Variants in VEPH1 observed in about 807,000 individuals in gnomAD.
VEPH1 encodes ventricular zone expressed PH domain containing 1.
Under a neutral mutation model 85.2 loss-of-function variants are expected in VEPH1, and 80 were observed. That is an observed-to-expected ratio of 0.94 (90% confidence interval 0.78 to 1.13). The LOEUF (loss-of-function observed/expected upper bound fraction) is 1.13. Ranked by LOEUF, VEPH1 falls within the 50% of genes most tolerant of loss-of-function variation. The pLI, the probability that VEPH1 is intolerant of heterozygous loss-of-function variation, is 0.00. For synonymous variants in VEPH1, 297 were observed against 348.0 expected (o/e 0.85, Z 1.63); for missense variants, 955 against 980.5 (o/e 0.97, Z 0.35).
intron 12 of VEPH1, among the ~76,000 whole-genome samples, 157 bp from the exon 13 acceptor site, chr3:157,265,819 C>T (rs1261979748): frequency 6.6e-6 from 1 of 151,872 alleles, no homozygotes; most frequent in Non-Finnish European, 1.5e-5. Flanking sequence ...CTCCTTTGTC[C>T]CTAAAAGAAT....
intron 2 of VEPH1, among the ~76,000 whole-genome samples, chr3:157,481,229 T>C (rs191292748): frequency 1.3e-5 from 2 of 152,104 alleles, no homozygotes; most frequent in Admixed American, 1.3e-4. Context: ...ACGAATATTT[T>C]CTCCCATTCT....
intron 4 of VEPH1, chr3:157,437,580 G>T (rs1307706117): frequency 6.3e-7 from 1 of 1,592,164 alleles, no homozygotes; most frequent in African/African-American, 1.3e-5. Flanking sequence ...TGGAGAACTC[G>T]CAGATGAGAG....
chr3:157,363,148 T>C, intron 9 of VEPH1: 1 of 414,562 alleles, frequency 2.4e-6, no homozygotes, highest in Non-Finnish European at 4.2e-6. Context: ...TCAGTGGACT[T>C]ATGTGCACCC....
chr3:157,436,831 C>T, intron 4 of VEPH1: 2 of 1,265,674 alleles, frequency 1.6e-6, no homozygotes, highest in South Asian at 2.8e-5. Context: ...TTATTAAGGA[C>T]TCTCTGCTCC....
At chr3:157,374,021 C>G (rs1346183199) in intron 7 of VEPH1, among the ~76,000 whole-genome samples, 1 of 152,148 alleles carries the variant, frequency 6.6e-6, no homozygotes, top group African/African-American at 2.4e-5. Flanking sequence ...CCTGAAATGC[C>G]TTTAAAGACC....
At chr3:157,263,687 G>C (rs142317202) in intron 13 of VEPH1, among the ~76,000 whole-genome samples, 1 of 152,282 alleles carries the variant, frequency 6.6e-6, no homozygotes, top group Non-Finnish European at 1.5e-5. Context: ...GATGAAGAAA[G>C]TAGCATGACT....
chr3:157,343,569 C>T (rs1363137602), intron 9 of VEPH1, among the ~76,000 whole-genome samples: 30 of 152,184 alleles, frequency 2.0e-4, no homozygotes, highest in African/African-American at 6.0e-4. Flanking sequence ...CAGGACCAGA[C>T]GGATTCACAG....
chr3:157,272,375 T>TTTCTTTCTTTCTTTCTTTC (rs200016080), intron 12 of VEPH1, among the ~76,000 whole-genome samples: 3 of 94,970 alleles, frequency 3.2e-5, no homozygotes, highest in East Asian at 3.1e-4. Flanking sequence ...TTTCTCTTTC[T>TTTCTTTCTTTCTTTCTTTC]TTTCTTTCTT....
chr3:157,332,756 C>T (rs1348303732), intron 9 of VEPH1, among the ~76,000 whole-genome samples: 2 of 152,200 alleles, frequency 1.3e-5, no homozygotes, highest in African/African-American at 4.8e-5. Flanking sequence ...GGAGTATATT[C>T]CTAAGAGTGG....
rs1553786688 is a variant in VEPH1 at position 157,438,037 on chromosome 3, G to GCGCACACACACA, written c.530-9550_530-9549insTGTGTGTGTGCG. ...TCATGGGAAGCGCGCGCGCGCGCGC[G>GCGCACACACACA]CACACACACACACACACACACACAC... On this transcript the variant is annotated intron_variant, in intron 4 of 13. Coordinates refer to ENST00000362010, the MANE Select transcript of VEPH1 (RefSeq NM_001167912.2). 3.2e-4 allele frequency: 167 copies of GCGCACACACACA among 516,080 alleles called. No individual in the cohort carries two copies. The South Asian group carries it at 3.5e-3, about 11-fold the overall frequency. The allele number at this position is 516,080 out of a possible 1,614,324, so 32.0% of individuals were successfully genotyped here. A position where few individuals can be genotyped will look rare whatever the true frequency, so the allele number is the denominator to read the frequency against.
chr3:157,389,107 C>A (rs1729587497), intron 6 of VEPH1, among the ~76,000 whole-genome samples: 1 of 152,152 alleles, frequency 6.6e-6, no homozygotes, highest in Non-Finnish European at 1.5e-5. Context: ...CTGATTCATA[C>A]ATAACATTGT....
At chr3:157,305,148 C>G (rs1325649456) in intron 11 of VEPH1, among the ~76,000 whole-genome samples, 2 of 129,078 alleles carry the variant, frequency 1.5e-5, no homozygotes, top group South Asian at 2.5e-4. Flanking sequence ...CTCGCTCTGT[C>G]GCCCAGGCTG....
chr3:157,492,467 T>C (rs1357949887), intron 2 of VEPH1, among the ~76,000 whole-genome samples: 1 of 152,194 alleles, frequency 6.6e-6, no homozygotes, highest in Non-Finnish European at 1.5e-5. Flanking sequence ...CATGAGGTGC[T>C]GTAACCTTTC....
At chr3:157,265,469 A>G (rs1713499457) in intron 13 of VEPH1, 57 bp downstream of exon 13, 69 of 1,563,100 alleles carry the variant, frequency 4.4e-5, no homozygotes, top group Non-Finnish European at 5.2e-5. Context: ...ACGTTTAGCT[A>G]TTGGTGGAGA....
intron 13 of VEPH1, among the ~76,000 whole-genome samples, 158 bp downstream of exon 13, chr3:157,265,368 A>G (rs1713486349): frequency 6.6e-6 from 1 of 152,246 alleles, no homozygotes. Flanking sequence ...ATAGGAATAA[A>G]CAGACTAGAC....
intron 4 of VEPH1, among the ~76,000 whole-genome samples, chr3:157,458,709 CAAGAAGGG>C (rs1735580451): frequency 6.6e-6 from 1 of 152,170 alleles, no homozygotes; most frequent in African/African-American, 2.4e-5. Context: ...AGGCTATTGT[CAAGAAGGG>C]TATTTCCTAG....
At chr3:157,501,459 C>T (rs1360274466) in intron 1 of VEPH1, among the ~76,000 whole-genome samples, 3 of 152,188 alleles carry the variant, frequency 2.0e-5, no homozygotes, top group East Asian at 1.9e-4. Context: ...GTGTAGCACT[C>T]CTTCCCGTGT....
At chr3:157,316,879 C>T (rs968658208) in intron 10 of VEPH1, among the ~76,000 whole-genome samples, 183 bp downstream of exon 10, 3 of 152,004 alleles carry the variant, frequency 2.0e-5, no homozygotes, top group African/African-American at 7.3e-5. Flanking sequence ...ATTAATAATT[C>T]CTTCTTTTAT....
At chr3:157,317,020 A>G in intron 10 of VEPH1, 42 bp downstream of exon 10, 1 of 1,584,540 alleles carries the variant, frequency 6.3e-7, no homozygotes, top group South Asian at 1.2e-5. Flanking sequence ...CCCATATCCC[A>G]GAAGCTCATT....
Sources: allele counts gnomAD v4.1 joint callset (sites outside exome capture counted in the v4.1 genomes callset), GRCh38; gene constraint gnomAD v4.1.1; transcripts MANE v1.5; gene names NCBI Gene and HGNC (gene_info 2026-07-23, HGNC 2026-07-21).